Variants in OTULINL observed in about 807,000 individuals in gnomAD.
OTULINL encodes the protein inactive ubiquitin thioesterase OTULINL.
Under a neutral mutation model 43.9 loss-of-function variants are expected in OTULINL, and 42 were observed. The observed-to-expected ratio is 0.96, with a 90% confidence interval of 0.75 to 1.24. The LOEUF (loss-of-function observed/expected upper bound fraction) is 1.24. Ranked by LOEUF, OTULINL falls within the 50% of genes most tolerant of loss-of-function variation. The pLI is 0.00. For missense variants in OTULINL, 411 were observed against 426.4 expected (o/e 0.96, Z 0.32); for synonymous variants, 172 against 153.6 (o/e 1.12, Z -0.88).
chr5:14,604,445 C>T (rs561778366), intron 5 of OTULINL, among the ~76,000 whole-genome samples: 16 of 152,152 alleles, frequency 1.1e-4, no homozygotes, highest in Admixed American at 1.0e-3. Flanking sequence ...CATTTCAAAA[C>T]CAATCATGCC....
At chr5:14,605,255 G>T (rs1238608026) in intron 5 of OTULINL, among the ~76,000 whole-genome samples, 3 of 152,172 alleles carry the variant, frequency 2.0e-5, no homozygotes, top group Non-Finnish European at 2.9e-5. Context: ...CATGGCCCTA[G>T]CTATACCTTG....
chr5:14,590,515 G>A (rs773552683), intron 1 of OTULINL, among the ~76,000 whole-genome samples: 1 of 152,220 alleles, frequency 6.6e-6, no homozygotes, highest in African/African-American at 2.4e-5. Flanking sequence ...CTTTAGGAGA[G>A]CAGATCTATA....
intron 6 of OTULINL, among the ~76,000 whole-genome samples, chr5:14,607,675 T>A (rs1265811300): frequency 6.6e-6 from 1 of 152,212 alleles, no homozygotes; most frequent in Non-Finnish European, 1.5e-5. Context: ...TTAGGCCCTA[T>A]AGGGTCGGGG....
chr5:14,584,607 G>A (rs1759073449), intron 1 of OTULINL, among the ~76,000 whole-genome samples: 1 of 152,038 alleles, frequency 6.6e-6, no homozygotes, highest in African/African-American at 2.4e-5. Context: ...AGAACTGGTT[G>A]GTTGTGGTTC....
intron 5 of OTULINL, among the ~76,000 whole-genome samples, chr5:14,602,970 A>G (rs912492100): frequency 5.9e-5 from 9 of 152,172 alleles, no homozygotes; most frequent in African/African-American, 2.2e-4. Flanking sequence ...ATTCTCTTGT[A>G]TACTTTGGTA....
chr5:14,598,709 C>A (rs1346491228), intron 1 of OTULINL, among the ~76,000 whole-genome samples: 1 of 152,042 alleles, frequency 6.6e-6, no homozygotes, highest in Non-Finnish European at 1.5e-5. Context: ...CGGCACAAGA[C>A]CCTGTCTCAA....
At position 14,592,074 on chromosome 5, in the gene OTULINL, A is replaced by G. The variant is rs76052457; in HGVS notation, c.65-8891A>G. 3.9e-5 allele frequency among the ~76,000 whole-genome samples: 6 copies of G among 152,092 alleles called. No individual in the cohort carries two copies. In the East Asian group the frequency reaches 1.2e-3, roughly 29 times the overall value. On this transcript the variant is annotated intron_variant, in intron 1 of 7. Transcript: ENST00000274217. Reference sequence around the variant, plus strand: ...AGACAGAGACCACATGGCCGATGAGACCTAAAATATGTACTCTCTGACCCT... The same window carrying G: ...AGACAGAGACCACATGGCCGATGAGGCCTAAAATATGTACTCTCTGACCCT...
At chr5:14,608,382 G>T (rs536617431) in intron 6 of OTULINL, among the ~76,000 whole-genome samples, 3 of 152,284 alleles carry the variant, frequency 2.0e-5, no homozygotes, top group African/African-American at 7.2e-5. Context: ...TGTCTTCTTG[G>T]TGTGTCTTCA....
In OTULINL at chr5:14,610,244, C is replaced by T; in HGVS notation, c.1001C>T (p.Pro334Leu). 1 of 1,613,814 alleles carries T rather than the reference C, an allele frequency of 6.2e-7. No homozygotes were observed. The highest frequency in any genetic ancestry group is 8.5e-7 in the Non-Finnish European group (1 of 1,179,906). The change falls in exon 8 of 8, where the codon CCT becomes CTT. Residue 334 changes from proline (P) to leucine (L), a missense_variant. Pro to Leu is a moderately conservative substitution (Grantham distance 98). Coordinates refer to ENST00000274217, the MANE Select transcript of OTULINL (RefSeq NM_019018.3). ...RDFEVCYPEEPLRDWPEISLL... is the reference protein window; with the variant it reads ...RDFEVCYPEELLRDWPEISLL... ...TTTGAAGTCTGCTACCCAGAGGAGC[C>T]TCTCAGGGACTGGCCGGAGATCTCC...
intron 5 of OTULINL, among the ~76,000 whole-genome samples, chr5:14,603,626 T>C (rs1759425479): frequency 6.6e-6 from 1 of 152,358 alleles, no homozygotes; most frequent in South Asian, 2.1e-4. Context: ...TGTTATCTTC[T>C]TGGAGAAATG....
rs538056678 is a variant in OTULINL, at chr5:14,602,843, A to G, written c.498+511A>G. ...ATCTGTGTTTGTTTTTAATGCCACC[A>G]TCTTTTCTTGAGGGGCATCTGTTCT... On this transcript the variant is annotated intron_variant, in intron 5 of 7. Coordinates refer to ENST00000274217, the MANE Select transcript of OTULINL (RefSeq NM_019018.3). 2.6e-5 allele frequency among the ~76,000 whole-genome samples: 4 copies of G among 152,354 alleles called. No individual in the cohort carries two copies. In the East Asian group the frequency reaches 5.8e-4, roughly 22 times the overall value.
At chr5:14,589,071 G>A (rs148091577) in intron 1 of OTULINL, among the ~76,000 whole-genome samples, 323 of 152,318 alleles carry the variant, frequency 2.1e-3, no homozygotes, top group African/African-American at 7.5e-3. Flanking sequence ...CAAGAAATAT[G>A]TATTAACTGT....
intron 1 of OTULINL, among the ~76,000 whole-genome samples, chr5:14,598,755 T>C (rs1759335445): frequency 6.6e-6 from 1 of 152,202 alleles, no homozygotes; most frequent in South Asian, 2.1e-4. Context: ...CAGTTTATAC[T>C]GAAATATTAT....
Position 14,601,253 on chromosome 5 carries a change from T to C in OTULINL, c.256+9T>C. The C allele has an allele frequency of 2.5e-6, 4 of 1,610,698 alleles. No homozygotes were observed. Among genetic ancestry groups the C allele is most frequent in the Non-Finnish European group, 3.4e-6 (4 of 1,177,842 alleles). The stretch of plus-strand genomic sequence containing the variant: ...GCAGAGAAAATTCAAAAGTAAATAT[T>C]TTCATTCATTTATTTCTTTATTTTT... On this transcript the variant is annotated intron_variant, in intron 3 of 7. Coordinates refer to ENST00000274217, the MANE Select transcript of OTULINL (RefSeq NM_019018.3).
At position 14,615,539 on chromosome 5, in the gene OTULINL, C is replaced by G. The variant is rs1342176619; in HGVS notation, c.*5225C>G. On this transcript the variant is annotated 3_prime_UTR_variant, in exon 8 of 8. Transcript: ENST00000274217. ...ATTCCTAGTAGGCACATCTGTGACT[C>G]CCTTAAATAAAAAGGGCCAGAGATG... 6.6e-6 allele frequency among the ~76,000 whole-genome samples: 1 copy of G among 152,134 alleles called. No individual in the cohort carries two copies. The highest frequency in any genetic ancestry group is 2.4e-5 in the African/African-American group (1 of 41,408).
intron 4 of OTULINL, among the ~76,000 whole-genome samples, chr5:14,601,730 G>T (rs911482612): frequency 6.6e-6 from 1 of 152,188 alleles, no homozygotes; most frequent in East Asian, 1.9e-4. Context: ...TTAAACATCC[G>T]CATGTGCAGT....
chr5:14,592,986 A>G (rs1449766039), intron 1 of OTULINL, among the ~76,000 whole-genome samples: 1 of 152,134 alleles, frequency 6.6e-6, no homozygotes, highest in Non-Finnish European at 1.5e-5. Context: ...CCCTTCTTAC[A>G]GTGCTTGTGG....
intron 1 of OTULINL, among the ~76,000 whole-genome samples, chr5:14,589,028 G>A (rs1054155742): frequency 6.6e-6 from 1 of 152,146 alleles, no homozygotes; most frequent in African/African-American, 2.4e-5. Flanking sequence ...ACACATGGAC[G>A]GGATCCTGAT....
rs561778366 is a variant in OTULINL, at chr5:14,604,445, C to G, written c.498+2113C>G. On this transcript the variant is annotated intron_variant, in intron 5 of 7. Transcript: ENST00000274217. ...AATCTCACATCTTCACATTTCAAAA[C>G]CAATCATGCCTTCCCAGCAGTCCCC... Among the ~76,000 whole-genome samples, 3 of 152,270 alleles carry G rather than the reference C, an allele frequency of 2.0e-5. No homozygotes were observed. The South Asian group carries it at 6.2e-4, about 32-fold the overall frequency.
Sources: gnomAD v4.1 joint callset for allele counts (sites outside exome capture counted in the v4.1 genomes callset) on GRCh38, gnomAD v4.1.1 for gene constraint, MANE v1.5 for transcripts, NCBI Gene and HGNC (gene_info 2026-07-23, HGNC 2026-07-21) for gene names.